The following CSMD1 variants were observed in gnomAD, a reference collection of about 807,000 sequenced individuals.
CSMD1 encodes CUB and sushi domain-containing protein 1.
CSMD1 carries 213 observed loss-of-function variants against 417.5 expected under a neutral mutation model. The ratio of observed to expected loss-of-function variants is 0.51; its 90% CI spans 0.46 to 0.57. The LOEUF (loss-of-function observed/expected upper bound fraction) is 0.57. CSMD1 is among the 20% of genes least tolerant of loss of function. The pLI, the probability that CSMD1 is intolerant of heterozygous loss-of-function variation, is 0.00. For missense variants in CSMD1, 6,923 were observed against 4,529.7 expected (o/e 1.53, Z -15.17); for synonymous variants, 2,862 against 1,736.8 (o/e 1.65, Z -16.11).
intron 5 of CSMD1, among the ~76,000 whole-genome samples, chr8:3,911,992 A>C (rs192718852): frequency 6.6e-6 from 1 of 152,198 alleles, no homozygotes; most frequent in African/African-American, 2.4e-5. Flanking sequence ...ACCGATAAAA[A>C]TAGTTCAAAG....
intron 51 of CSMD1, 130 bp downstream of exon 51, chr8:3,029,189 G>A (rs547308369): frequency 3.6e-5 from 22 of 612,698 alleles, no homozygotes; most frequent in Non-Finnish European, 5.5e-5. Context: ...GAAAAGACAG[G>A]CCATTTGTTC....
chr8:4,642,246 C>G (rs935919023), intron 1 of CSMD1, among the ~76,000 whole-genome samples: 1 of 152,184 alleles, frequency 6.6e-6, no homozygotes, highest in Non-Finnish European at 1.5e-5. Flanking sequence ...GGCCGGAAAA[C>G]ACATTCCAGT....
At chr8:3,050,489 T>A (rs1811749275) in intron 50 of CSMD1, among the ~76,000 whole-genome samples, 1 of 152,202 alleles carries the variant, frequency 6.6e-6, no homozygotes, top group African/African-American at 2.4e-5. Flanking sequence ...ATTGTTCTTA[T>A]TAAAATCAAC....
intron 37 of CSMD1, among the ~76,000 whole-genome samples, chr8:3,163,322 A>G (rs73491771): frequency 0.034 from 5,130 of 152,124 alleles, 274 homozygotes; most frequent in African/African-American, 0.12. Flanking sequence ...TCACAACAAC[A>G]GGAGAGAACT....
chr8:3,821,031 C>T (rs1801706633), intron 5 of CSMD1, among the ~76,000 whole-genome samples: 1 of 152,144 alleles, frequency 6.6e-6, no homozygotes, highest in South Asian at 2.1e-4. Context: ...ATTCTCCCGC[C>T]TCAGCCTCCC....
At chr8:4,929,013 G>A (rs1369718110) in intron 1 of CSMD1, among the ~76,000 whole-genome samples, 1 of 152,206 alleles carries the variant, frequency 6.6e-6, no homozygotes, top group African/African-American at 2.4e-5. Flanking sequence ...AGAGGTTGCA[G>A]TGAGCCGAGA....
At chr8:3,779,164 T>C (rs1344695981) in intron 5 of CSMD1, among the ~76,000 whole-genome samples, 3 of 150,958 alleles carry the variant, frequency 2.0e-5, no homozygotes, top group African/African-American at 7.3e-5. Context: ...TGTGTGTGTG[T>C]GTGTGTGTGT....
At chr8:4,098,261 G>C (rs895635461) in intron 3 of CSMD1, among the ~76,000 whole-genome samples, 20 of 152,104 alleles carry the variant, frequency 1.3e-4, no homozygotes, top group African/African-American at 4.3e-4. Flanking sequence ...ATGTACTTCA[G>C]ATGTAATGGC....
intron 3 of CSMD1, among the ~76,000 whole-genome samples, chr8:4,159,341 G>C (rs1797015474): frequency 6.6e-6 from 1 of 152,140 alleles, no homozygotes; most frequent in South Asian, 2.1e-4. Flanking sequence ...TACTCAAATG[G>C]AGGAAATATT....
chr8:3,621,412 T>C (rs370583663), intron 7 of CSMD1, among the ~76,000 whole-genome samples: 2 of 152,142 alleles, frequency 1.3e-5, no homozygotes. Context: ...GAAAGTAGAA[T>C]GATGGTTTTG....
At chr8:4,845,787 G>C (rs1801106897) in intron 1 of CSMD1, among the ~76,000 whole-genome samples, 1 of 152,160 alleles carries the variant, frequency 6.6e-6, no homozygotes, top group African/African-American at 2.4e-5. Flanking sequence ...AGTATCACAA[G>C]GGCGGATTTT....
At chr8:3,008,606 G>A (rs185167025) in intron 52 of CSMD1, among the ~76,000 whole-genome samples, 54 of 151,830 alleles carry the variant, frequency 3.6e-4, no homozygotes, top group Non-Finnish European at 5.4e-4. Context: ...GAACGAATCC[G>A]GTTCCTTCAG....
intron 1 of CSMD1, among the ~76,000 whole-genome samples, chr8:4,805,731 T>G (rs1298940365): frequency 6.6e-6 from 1 of 152,228 alleles, no homozygotes; most frequent in Non-Finnish European, 1.5e-5. Context: ...TTATAATTTG[T>G]TCAAATTCCA....
intron 5 of CSMD1, among the ~76,000 whole-genome samples, chr8:3,846,794 C>G (rs1429474778): frequency 6.6e-6 from 1 of 152,112 alleles, no homozygotes; most frequent in Non-Finnish European, 1.5e-5. Flanking sequence ...CTGTCTCAGC[C>G]TCCCAAGTAG....
At chr8:3,775,950 G>A (rs1244222214) in intron 5 of CSMD1, among the ~76,000 whole-genome samples, 2 of 152,190 alleles carry the variant, frequency 1.3e-5, no homozygotes, top group Non-Finnish European at 2.9e-5. Flanking sequence ...ATATGCTGAT[G>A]ATGCCAAATT....
intron 7 of CSMD1, chr8:3,705,001 C>G (rs1330067859): frequency 6.6e-6 from 1 of 152,186 alleles, no homozygotes; most frequent in East Asian, 1.9e-4. Flanking sequence ...AGAACTTGCC[C>G]TCTCGAATTC....
intron 5 of CSMD1, among the ~76,000 whole-genome samples, chr8:3,987,617 A>G (rs1464095569): frequency 1.3e-5 from 2 of 152,212 alleles, no homozygotes; most frequent in African/African-American, 4.8e-5. Context: ...AATTCTGAGA[A>G]CTGTGAAGGA....
intron 2 of CSMD1, among the ~76,000 whole-genome samples, chr8:4,477,850 C>A (rs187070592): frequency 6.6e-6 from 1 of 152,200 alleles, no homozygotes; most frequent in African/African-American, 2.4e-5. Context: ...TTTGCTTTAA[C>A]TGGACATAAA....
intron 3 of CSMD1, among the ~76,000 whole-genome samples, chr8:4,150,041 G>C (rs1453899391): frequency 6.6e-6 from 1 of 152,186 alleles, no homozygotes; most frequent in African/African-American, 2.4e-5. Context: ...CACGTAAAAG[G>C]CACGTGTTGC....
Sources: gnomAD v4.1 joint callset for allele counts (sites outside exome capture counted in the v4.1 genomes callset) on GRCh38, gnomAD v4.1.1 for gene constraint, MANE v1.5 for transcripts, NCBI Gene and HGNC (gene_info 2026-07-23, HGNC 2026-07-21) for gene names.